The following MRPL3 variants were observed in gnomAD, a reference collection of about 807,000 sequenced individuals.
The protein encoded by MRPL3 is large ribosomal subunit protein uL3m.
Under a neutral mutation model 44.3 loss-of-function variants are expected in MRPL3, and 43 were observed. That is an observed-to-expected ratio of 0.97 (90% CI 0.76 to 1.25). The LOEUF (loss-of-function observed/expected upper bound fraction) is 1.25. MRPL3 is among the 50% of genes most tolerant of loss of function. The pLI, the probability that MRPL3 is intolerant of heterozygous loss-of-function variation, is 0.00. For synonymous variants in MRPL3, 171 were observed against 152.3 expected, an observed-to-expected ratio of 1.12 and a Z score of -0.91; for missense variants, 406 against 427.6, an observed-to-expected ratio of 0.95 and a Z score of 0.45.
intron 4 of MRPL3, among the ~76,000 whole-genome samples, chr3:131,497,207 G>A (rs1334991873): frequency 6.6e-6 from 1 of 152,218 alleles, no homozygotes; most frequent in Non-Finnish European, 1.5e-5. Context: ...AGTTAAGTAA[G>A]GCTCTGGTGT....
Position 131,498,208 on chromosome 3 carries a change from C to CA in MRPL3, c.438dup (p.Val147CysfsTer11), listed in dbSNP as rs765654613. ...AAACGTGATACAGTTTTTCCTCCTACAGACAGGGTTGCCATTTTTCCATTA... is the reference window on the plus strand; with the variant it reads ...AAACGTGATACAGTTTTTCCTCCTACAAGACAGGGTTGCCATTTTTCCATTA... On this transcript the variant is annotated frameshift_variant, in exon 4 of 10. Transcript: ENST00000264995. LOFTEE classifies it high-confidence loss of function. 3.0e-5 allele frequency: 49 copies of CA among 1,610,556 alleles called. No homozygotes were observed. The highest frequency in any genetic ancestry group is 3.9e-5 in the Non-Finnish European group (46 of 1,176,936).
intron 6 of MRPL3, among the ~76,000 whole-genome samples, chr3:131,484,878 A>G (rs1934081951): frequency 6.6e-6 from 1 of 152,216 alleles, no homozygotes; most frequent in African/African-American, 2.4e-5. Flanking sequence ...CATGTAAGTA[A>G]TAAATACCTC....
At chr3:131,478,759 AG>A (rs1582707767) in intron 6 of MRPL3, among the ~76,000 whole-genome samples, 2 of 137,284 alleles carry the variant, frequency 1.5e-5, no homozygotes, top group African/African-American at 5.6e-5. Context: ...ACCAGGCTGG[AG>A]TATAGCGGTG....
At chr3:131,493,617 A>G (rs1424505967) in intron 4 of MRPL3, among the ~76,000 whole-genome samples, 1 of 152,204 alleles carries the variant, frequency 6.6e-6, no homozygotes, top group African/African-American at 2.4e-5. Context: ...ATCTGGGTAT[A>G]AAGTTTGTCT....
In MRPL3 at chr3:131,471,229, T is replaced by C; in HGVS notation, c.680A>G (p.Gln227Arg). ...GVMKRWGFKG[Q>R]PATHGQTKTH... ...TTTCGTTTGACCATGCGTAGCAGGC[T>C]GGCCTTTAAATCCCCATCTTTTCAT... Residue 227 changes from glutamine to arginine, a missense_variant, in exon 7 of 10, where the codon CAG becomes CGG. By Grantham distance (43) the Gln-to-Arg change is conservative (BLOSUM62 1). Transcript: ENST00000264995. The C allele has an allele frequency of 6.2e-7, 1 of 1,613,518 alleles. No individual in the cohort carries two copies. The highest frequency in any genetic ancestry group is 8.5e-7 in the Non-Finnish European group (1 of 1,179,578).
At chr3:131,472,705 A>T (rs1933766671) in intron 6 of MRPL3, among the ~76,000 whole-genome samples, 1 of 152,202 alleles carries the variant, frequency 6.6e-6, no homozygotes, top group Non-Finnish European at 1.5e-5. Context: ...AAAGTGTTAG[A>T]ATAAATTCAG....
At chr3:131,492,598 G>A (rs1269685388) in intron 4 of MRPL3, among the ~76,000 whole-genome samples, 1 of 152,024 alleles carries the variant, frequency 6.6e-6, no homozygotes. Context: ...GGTAGAGCTC[G>A]GGTGGTAACT....
intron 7 of MRPL3, among the ~76,000 whole-genome samples, chr3:131,470,546 G>T (rs1933715926): frequency 6.6e-6 from 1 of 151,978 alleles, no homozygotes; most frequent in African/African-American, 2.4e-5. Context: ...TACAGACTAA[G>T]TATCACTCTT....
intron 4 of MRPL3, among the ~76,000 whole-genome samples, chr3:131,490,751 CAT>C (rs1312937558): frequency 4.6e-5 from 7 of 152,238 alleles, no homozygotes; most frequent in African/African-American, 9.6e-5. Flanking sequence ...CTAGGTTACA[CAT>C]GAGATGCACA....
intron 4 of MRPL3, among the ~76,000 whole-genome samples, chr3:131,492,824 TCCA>T (rs1244447181): frequency 6.6e-6 from 1 of 152,162 alleles, no homozygotes; most frequent in East Asian, 1.9e-4. Context: ...CTGTCTGCTC[TCCA>T]CTCCTGCCTT....
chr3:131,492,679 C>T (rs1429957156), intron 4 of MRPL3, among the ~76,000 whole-genome samples: 1 of 152,160 alleles, frequency 6.6e-6, no homozygotes, highest in Non-Finnish European at 1.5e-5. Flanking sequence ...GAGCAGTCTA[C>T]AGCCCAGGGG....
intron 6 of MRPL3, among the ~76,000 whole-genome samples, chr3:131,476,038 G>A (rs1215631943): frequency 6.6e-6 from 1 of 152,194 alleles, no homozygotes; most frequent in Non-Finnish European, 1.5e-5. Context: ...TAAAAAGAGA[G>A]CATGAGTGCA....
chr3:131,501,397 C>A, intron 2 of MRPL3, 134 bp downstream of exon 2: 12 of 794,770 alleles, frequency 1.5e-5, no homozygotes, highest in South Asian at 6.2e-5. Context: ...CAAAACAAAC[C>A]ACAATAAAAC....
chr3:131,462,680 CGAAGCTCACAG>C lies in MRPL3; in HGVS notation c.*32_*42del, dbSNP rs1933516121. ...TGGTTATGATATCACTCTGGCTCAT[CGAAGCTCACAG>C]AATATGTAAGGTTCTGCCACGTCCA... On this transcript the variant is annotated 3_prime_UTR_variant, in exon 10 of 10. Transcript: ENST00000264995. 6.5e-7 allele frequency: 1 copy of C among 1,548,922 alleles called. No homozygotes were observed. Among genetic ancestry groups the C allele is most frequent in the African/African-American group, 1.4e-5 (1 of 73,078 alleles).
chr3:131,477,159 GC>G (rs1308978002), intron 6 of MRPL3, among the ~76,000 whole-genome samples: 1 of 152,154 alleles, frequency 6.6e-6, no homozygotes, highest in Non-Finnish European at 1.5e-5. Flanking sequence ...GTGAGAAACT[GC>G]CTTTCATTGC....
At chr3:131,464,794 C>CT (rs950638840) in intron 9 of MRPL3, among the ~76,000 whole-genome samples, 2 of 152,108 alleles carry the variant, frequency 1.3e-5, no homozygotes, top group Non-Finnish European at 2.9e-5. Flanking sequence ...ACTTTGGAAT[C>CT]TTAAAAAAAA....
intron 3 of MRPL3, among the ~76,000 whole-genome samples, chr3:131,499,604 G>A (rs1934449354): frequency 6.6e-6 from 1 of 152,106 alleles, no homozygotes; most frequent in South Asian, 2.1e-4. Context: ...AGCACTCTAA[G>A]CACTTAGGTG....
chr3:131,468,382 AT>A, intron 8 of MRPL3, among the ~76,000 whole-genome samples: 1 of 152,298 alleles, frequency 6.6e-6, no homozygotes. Context: ...GAAAACTCTC[AT>A]TTTAAATAGA....
At position 131,471,369 on chromosome 3, in the gene MRPL3, T is replaced by C. The variant is rs1933740279; in HGVS notation, c.630-90A>G. 1.3e-5 allele frequency: 11 copies of C among 845,774 alleles called. No individual in the cohort carries two copies. The Admixed American group carries it at 2.2e-4, about 17-fold the overall frequency. The allele number at this position is 845,774 out of a possible 1,614,324, so 52.4% of individuals were successfully genotyped here. A position where few individuals can be genotyped will look rare whatever the true frequency, so the allele number is the denominator to read the frequency against. ...TTTCTAGTACCAACTGTACACATTCTTGTTAGAGTTTTAACAAAGCTTCTT... is the reference window on the plus strand; with the variant it reads ...TTTCTAGTACCAACTGTACACATTCCTGTTAGAGTTTTAACAAAGCTTCTT... On this transcript the variant is annotated intron_variant, in intron 6 of 9. Coordinates refer to ENST00000264995, the MANE Select transcript of MRPL3 (RefSeq NM_007208.4).
Sources: allele counts gnomAD v4.1 joint callset (sites outside exome capture counted in the v4.1 genomes callset), GRCh38; gene constraint gnomAD v4.1.1; transcripts MANE v1.5; gene names NCBI Gene and HGNC (gene_info 2026-07-23, HGNC 2026-07-21).